OBP2B: variants seen among roughly 807,000 people sequenced by gnomAD.
OBP2B encodes odorant-binding protein 2b.
In OBP2B, 10 loss-of-function variants were observed where a neutral mutation model predicts 21.7. That is an observed-to-expected ratio of 0.46 (90% confidence interval 0.28 to 0.78). The LOEUF (loss-of-function observed/expected upper bound fraction) is 0.78, where lower values mean the gene tolerates loss of function less well. OBP2B is among the 30% of genes least tolerant of loss of function. The pLI is 0.11. For missense variants in OBP2B, 153 were observed against 217.7 expected (o/e 0.70, Z 1.87); for synonymous variants, 73 against 91.5 (o/e 0.80, Z 1.16).
intron 6 of OBP2B, 124 bp downstream of exon 6, chr9:133,205,793 G>A (rs1201035680): frequency 4.6e-5 from 54 of 1,180,536 alleles, no homozygotes; most frequent in South Asian, 1.6e-4. Context: ...TGCCAACCTC[G>A]TGCCTGACCC....
chr9:133,211,465 C>T (rs140727768), upstream of OBP2B, among the ~76,000 whole-genome samples: 40 of 152,270 alleles, frequency 2.6e-4, no homozygotes, highest in East Asian at 5.4e-3. Context: ...TCCTGGTGCA[C>T]GGACGTATTC....
intron 6 of OBP2B, 133 bp from the exon 7 acceptor site, chr9:133,205,544 T>C: frequency 1.5e-6 from 1 of 648,692 alleles, no homozygotes; most frequent in East Asian, 2.8e-5. Context: ...CAGAGCGACC[T>C]CAGCTCCTCC....
the OBP2B span, among the ~76,000 whole-genome samples, chr9:133,215,883 C>T: frequency 6.6e-6 from 1 of 152,166 alleles, no homozygotes; most frequent in African/African-American, 2.4e-5. Context: ...CAGACAAAAC[C>T]ACCAAACAAA....
chr9:133,206,421 A>T lies in OBP2B; in HGVS notation c.389-5T>A. 1 of 1,613,686 alleles carries T rather than the reference A, an allele frequency of 6.2e-7. No individual in the cohort carries two copies. The highest frequency in any genetic ancestry group is 8.5e-7 in the Non-Finnish European group (1 of 1,179,684). On this transcript the variant is annotated splice_region_variant and splice_polypyrimidine_tract_variant and intron_variant, in intron 4 of 6. Transcript: ENST00000372034. Reference sequence around the variant, plus strand: ...GGTTGGTATCAGAATTCCTACCTGCAGGTGAGGTGGCCAGGTGAGCCGACG... The same window carrying T: ...GGTTGGTATCAGAATTCCTACCTGCTGGTGAGGTGGCCAGGTGAGCCGACG...
chr9:133,221,435 T>C, the OBP2B span, among the ~76,000 whole-genome samples: 1 of 152,184 alleles, frequency 6.6e-6, no homozygotes, highest in South Asian at 2.1e-4. Flanking sequence ...TGGGATACTC[T>C]TGGGCACGGC....
the OBP2B span, among the ~76,000 whole-genome samples, chr9:133,216,687 A>G: frequency 2.7e-4 from 41 of 152,298 alleles, no homozygotes; most frequent in Non-Finnish European, 3.2e-4. Flanking sequence ...CAGAAGTAAA[A>G]TGGAATAAAC....
rs1477814118 is a variant in OBP2B, at chr9:133,207,227, C to T, written c.387G>A (p.Val129=). Residue 129 remains valine, a splice_region_variant and synonymous_variant, in exon 4 of 7, where the codon GTG becomes GTA. Coordinates refer to ENST00000372034, the MANE Select transcript of OBP2B (RefSeq NM_014581.4). ...HGGLLHMGKL[V]GRNSDTNREA... is the part of the protein sequence containing the mutation. ...CGCAGACCCCAGCAAGCCCCTCACC[C>T]ACAAGCTTTCCCATGTGGAGCAGGC... The T allele has an allele frequency of 6.2e-7, 1 of 1,610,824 alleles. No homozygotes were observed. The highest frequency in any genetic ancestry group is 8.5e-7 in the Non-Finnish European group (1 of 1,177,120).
intron 1 of OBP2B, 28 bp from the exon 2 acceptor site, chr9:133,208,630 C>A (rs1424689326): frequency 1.3e-6 from 2 of 1,568,954 alleles, no homozygotes; most frequent in Admixed American, 1.8e-5. Flanking sequence ...CGTGAGCCCA[C>A]CATGGGTGGC....
At chr9:133,215,420 C>T in the OBP2B span, among the ~76,000 whole-genome samples, 1 of 152,116 alleles carries the variant, frequency 6.6e-6, no homozygotes, top group Non-Finnish European at 1.5e-5. Flanking sequence ...CAAGATTATT[C>T]TAACATTTAT....
intron 2 of OBP2B, 78 bp from the exon 3 acceptor site, chr9:133,208,281 T>C: frequency 6.2e-7 from 1 of 1,605,754 alleles, no homozygotes; most frequent in Non-Finnish European, 8.5e-7. Context: ...TGCATGGCCC[T>C]GACCCGGCAA....
intron 5 of OBP2B, 128 bp downstream of exon 5, chr9:133,206,187 C>A: frequency 8.3e-7 from 1 of 1,207,176 alleles, no homozygotes; most frequent in South Asian, 1.3e-5. Context: ...GCCCGGGAGC[C>A]CCTGCGAGGA....
chr9:133,222,826 G>A, the OBP2B span, among the ~76,000 whole-genome samples: 1 of 151,890 alleles, frequency 6.6e-6, no homozygotes, highest in East Asian at 1.9e-4. Flanking sequence ...TCTGTTGGGG[G>A]ACAGAGTCCT....
chr9:133,205,789 C>A, intron 6 of OBP2B, 128 bp downstream of exon 6: 4 of 1,255,834 alleles, frequency 3.2e-6, no homozygotes, highest in Non-Finnish European at 4.4e-6. Flanking sequence ...GAGGTGCCAA[C>A]CTCGTGCCTG....
At chr9:133,207,893 T>C (rs879950596) in intron 3 of OBP2B, 2 of 1,530,072 alleles carry the variant, frequency 1.3e-6, no homozygotes, top group Non-Finnish European at 1.7e-6. Context: ...TGTCAATGGC[T>C]AGGGCCTCCC....
chr9:133,210,524 T>C (rs1833895495), upstream of OBP2B, among the ~76,000 whole-genome samples: 1 of 149,090 alleles, frequency 6.7e-6, no homozygotes, highest in Non-Finnish European at 1.5e-5. Context: ...CAGGCTGGAG[T>C]CTCTACATCA....
At chr9:133,214,771 G>C in the OBP2B span, among the ~76,000 whole-genome samples, 2,022 of 152,278 alleles carry the variant, frequency 0.013, 42 homozygotes, top group South Asian at 0.05. Flanking sequence ...CTGAAAGCAA[G>C]AAAGGAAAAA....
At chr9:133,207,112 C>A in intron 4 of OBP2B, 114 bp downstream of exon 4, 1 of 747,822 alleles carries the variant, frequency 1.3e-6, no homozygotes, top group Non-Finnish European at 2.3e-6. Context: ...CACATGAAAG[C>A]CGGCACAGGG....
At chr9:133,222,391 C>A in the OBP2B span, among the ~76,000 whole-genome samples, 1 of 152,248 alleles carries the variant, frequency 6.6e-6, no homozygotes, top group African/African-American at 2.4e-5. Context: ...TGACTCCTTC[C>A]TCTGCCACTT....
chr9:133,208,511 G>A lies in OBP2B; in HGVS notation c.164C>T (p.Thr55Ile), dbSNP rs782027368. Residue 55 changes from threonine to isoleucine, a missense_variant, in exon 2 of 7, where the codon ACA (threonine) becomes ATA (isoleucine). Physicochemically the swap from Thr to Ile is moderately conservative, Grantham distance 89. Coordinates refer to ENST00000372034, the MANE Select transcript of OBP2B (RefSeq NM_014581.4). ...TTCCAACTTCCCACCGCCCAGGGCT[G>A]TCACCTTCACTGGGGACACCTTCCT... The part of the protein sequence containing the change: ...RPRKVSPVKV[T>I]ALGGGKLEAT... 1.2e-6 allele frequency: 2 copies of A among 1,613,860 alleles called. No homozygotes were observed. Among genetic ancestry groups the A allele is most frequent in the South Asian group, 2.2e-5 (2 of 91,068 alleles).
Sources: allele counts gnomAD v4.1 joint callset (sites outside exome capture counted in the v4.1 genomes callset), GRCh38; gene constraint gnomAD v4.1.1; transcripts MANE v1.5; gene names NCBI Gene and HGNC (gene_info 2026-07-23, HGNC 2026-07-21).